The following BUD23 variants were observed in gnomAD, a reference collection of about 807,000 sequenced individuals.
BUD23 encodes 18S rRNA (guanine-N(7))-methyltransferase.
A neutral mutation model predicts 47.0 loss-of-function variants in BUD23; 34 were observed. The observed-to-expected ratio is 0.72, with a 90% CI of 0.55 to 0.96. The LOEUF (loss-of-function observed/expected upper bound fraction) is 0.96, where lower values mean the gene tolerates loss of function less well. Ranked by LOEUF, BUD23 falls within the 40% of genes least tolerant of loss-of-function variation. BUD23 has a pLI of 0.00. For missense variants in BUD23, 343 were observed against 361.2 expected (o/e 0.95, Z 0.41); for synonymous variants, 124 against 132.0 (o/e 0.94, Z 0.41).
In BUD23 at chr7:73,683,759, T is replaced by C. The variant is rs1554612163; in HGVS notation, c.49-8T>C. 1.9e-6 allele frequency: 3 copies of C among 1,614,064 alleles called. No individual in the cohort carries two copies. The East Asian group carries it at 6.7e-5, about 36-fold the overall frequency. On this transcript the variant is annotated splice_region_variant and splice_polypyrimidine_tract_variant and intron_variant, in intron 1 of 11. Coordinates refer to ENST00000265758, the MANE Select transcript of BUD23 (RefSeq NM_017528.5). ...ATTCCTCTACATGCCATTTTCTCTT[T>C]TTCGCAGTTTTATGACGAGACAGAA...
At position 73,697,630 on chromosome 7, in the gene BUD23, G is replaced by A. The variant is rs148142986; in HGVS notation, c.727G>A (p.Gly243Arg). The A allele has an allele frequency of 1.9e-5, 30 of 1,613,592 alleles. No individual in the cohort carries two copies. The highest frequency in any genetic ancestry group is 2.5e-5 in the Non-Finnish European group (29 of 1,179,962). Residue 243 changes from glycine to arginine, a missense_variant, in exon 11 of 12, where the codon GGA becomes AGA. Gly to Arg is a moderately radical substitution (Grantham distance 125). Coordinates refer to ENST00000265758, the MANE Select transcript of BUD23 (RefSeq NM_017528.5). ...ERFPLRMSRR[G>R]MVRKSRAWVL... is the part of the protein sequence containing the mutation. ...GTTCCCATTAAGGATGTCGAGGCGG[G>A]GAATGGTGAGGAAGAGTCGGGCATG...
rs782264637 is a variant in BUD23, at chr7:73,697,675, C to T, written c.772C>T (p.Arg258Trp). 12 of 1,613,398 alleles carry T rather than the reference C, an allele frequency of 7.4e-6. No individual in the cohort carries two copies. The East Asian group carries it at 8.9e-5, about 12-fold the overall frequency. Residue 258 changes from arginine to tryptophan, a missense_variant, in exon 11 of 12, where the codon CGG (arginine) becomes TGG (tryptophan). Arg to Trp is a moderately radical substitution (Grantham distance 101). Coordinates refer to ENST00000265758, the MANE Select transcript of BUD23 (RefSeq NM_017528.5). ...SRAWVLEKKE[R>W]HRRQGREVRP... ...GGCATGGGTGCTGGAGAAGAAGGAGCGGCACAGGCGCCAGGGCAGGTGAGT... is the reference window on the plus strand; with the variant it reads ...GGCATGGGTGCTGGAGAAGAAGGAGTGGCACAGGCGCCAGGGCAGGTGAGT...
At position 73,690,964 on chromosome 7, in the gene BUD23, C is replaced by T. The variant is rs782536072; in HGVS notation, c.411C>T (p.Asn137=). The stretch of plus-strand genomic sequence containing the variant: ...GTAATGCTAACAAGAAGTCTGAAAA[C>T]CCTGCCAAGCGCCTGTACTGCTTTT... ...WLCNANKKSE[N]PAKRLYCFFA... Residue 137 remains asparagine, a synonymous_variant, in exon 6 of 12, where the codon AAC becomes AAT. Coordinates refer to ENST00000265758, the MANE Select transcript of BUD23 (RefSeq NM_017528.5). 15 of 1,614,184 alleles carry T rather than the reference C, an allele frequency of 9.3e-6. No homozygotes were observed. The highest frequency in any genetic ancestry group is 1.6e-4 in the Middle Eastern group (1 of 6,062).
chr7:73,690,733 A>G (rs1798158709), intron 5 of BUD23, among the ~76,000 whole-genome samples, 183 bp from the exon 6 acceptor site: 1 of 152,128 alleles, frequency 6.6e-6, no homozygotes, highest in Non-Finnish European at 1.5e-5. Context: ...GGCCTCAGAA[A>G]GTGCTGGGAT....
At chr7:73,688,937 T>C (rs782251832) in intron 5 of BUD23, among the ~76,000 whole-genome samples, 9 of 152,134 alleles carry the variant, frequency 5.9e-5, no homozygotes, top group Non-Finnish European at 8.8e-5. Context: ...TTTTTGGTAA[T>C]GGTCAGATGA....
rs782542202 is a variant in BUD23 at position 73,697,898 on chromosome 7, G to C, written c.*12G>C. On this transcript the variant is annotated 3_prime_UTR_variant, in exon 12 of 12. Coordinates refer to ENST00000265758, the MANE Select transcript of BUD23 (RefSeq NM_017528.5). ...AGCCCCGCTTCTAAGTCACCACGCG[G>C]TTCTGGAAAGGCACTTGCCTCTGCA... is the stretch of plus-strand genomic sequence containing the variant. The C allele has an allele frequency of 6.2e-7, 1 of 1,610,740 alleles. No individual in the cohort carries two copies. Among genetic ancestry groups the C allele is most frequent in the Non-Finnish European group, 8.5e-7 (1 of 1,179,180 alleles).
chr7:73,683,905 C>A, intron 2 of BUD23, 101 bp downstream of exon 2: 1 of 1,607,308 alleles, frequency 6.2e-7, no homozygotes, highest in Non-Finnish European at 8.5e-7. Flanking sequence ...TTTGGGGGTG[C>A]GGGAAGGGAA....
At chr7:73,686,219 G>A (rs1343101364) in intron 2 of BUD23, among the ~76,000 whole-genome samples, 10 of 152,204 alleles carry the variant, frequency 6.6e-5, no homozygotes. Flanking sequence ...TGCTGCTGTA[G>A]GTTTTTGTGC....
chr7:73,693,725 G>A lies in BUD23; in HGVS notation c.642+56G>A, dbSNP rs1426895221. Reference sequence around the variant, plus strand: ...GTGTCTTTTGACTTCCAGGCAGTGGGGCTCAGCCTGCAGAGCCTGCTGGGA... The same window carrying A: ...GTGTCTTTTGACTTCCAGGCAGTGGAGCTCAGCCTGCAGAGCCTGCTGGGA... On this transcript the variant is annotated intron_variant, in intron 9 of 11. Coordinates refer to ENST00000265758, the MANE Select transcript of BUD23 (RefSeq NM_017528.5). 4 of 1,604,454 alleles carry A rather than the reference G, an allele frequency of 2.5e-6. No individual in the cohort carries two copies. In the African/African-American group the frequency reaches 5.4e-5, roughly 21 times the overall value.
intron 2 of BUD23, chr7:73,684,078 A>T: frequency 1.7e-6 from 2 of 1,188,998 alleles, no homozygotes; most frequent in South Asian, 3.3e-5. Flanking sequence ...ATGTGGTAAA[A>T]GAGGCGCTGG....
At chr7:73,687,435 C>A (rs1048039039) in intron 5 of BUD23, among the ~76,000 whole-genome samples, 11 of 152,178 alleles carry the variant, frequency 7.2e-5, no homozygotes, top group African/African-American at 2.7e-4. Flanking sequence ...CGCCACCACA[C>A]CCAACTAATT....
intron 5 of BUD23, 77 bp from the exon 6 acceptor site, chr7:73,690,839 T>G: frequency 8.8e-7 from 1 of 1,139,348 alleles, no homozygotes; most frequent in Non-Finnish European, 1.3e-6. Flanking sequence ...CCAGGACGGA[T>G]GATGTCAAGA....
intron 5 of BUD23, among the ~76,000 whole-genome samples, chr7:73,689,859 A>G (rs1028715970): frequency 6.6e-6 from 1 of 152,228 alleles, no homozygotes; most frequent in South Asian, 2.1e-4. Flanking sequence ...AGGTGGAAGC[A>G]TTTGAGCTGG....
intron 10 of BUD23, chr7:73,695,262 C>CT (rs11439709): frequency 0.26 from 38,090 of 144,914 alleles, 5,856 homozygotes; most frequent in South Asian, 0.35. Flanking sequence ...ATCCTCCATT[C>CT]TTTTTTTTTT....
intron 6 of BUD23, 105 bp downstream of exon 6, chr7:73,691,117 T>TC: frequency 1.0e-6 from 1 of 970,892 alleles, no homozygotes; most frequent in Non-Finnish European, 1.6e-6. Context: ...AAGCTACTCA[T>TC]ATGGGACCGC....
chr7:73,689,347 C>G (rs1241063349), intron 5 of BUD23, among the ~76,000 whole-genome samples: 1 of 151,888 alleles, frequency 6.6e-6, no homozygotes, highest in Non-Finnish European at 1.5e-5. Flanking sequence ...GCACCCGGCC[C>G]AGACTTTTTT....
intron 4 of BUD23, 29 bp from the exon 5 acceptor site, chr7:73,686,969 CT>C: frequency 6.2e-7 from 1 of 1,614,126 alleles, no homozygotes; most frequent in Non-Finnish European, 8.5e-7. Context: ...AGGTATTTCT[CT>C]TTCTCTGACT....
chr7:73,696,247 T>G (rs1406706333), intron 10 of BUD23: 2 of 152,250 alleles, frequency 1.3e-5, no homozygotes, highest in African/African-American at 2.4e-5. Context: ...CTTGGGTCTT[T>G]GCTCATTTCC....
chr7:73,693,167 A>G, intron 7 of BUD23, 162 bp from the exon 8 acceptor site: 2 of 664,374 alleles, frequency 3.0e-6, no homozygotes, highest in South Asian at 1.8e-5. Context: ...GGGCCATGCC[A>G]GATTCTAGCC....
Sources: allele counts gnomAD v4.1 joint callset (sites outside exome capture counted in the v4.1 genomes callset), GRCh38; gene constraint gnomAD v4.1.1; transcripts MANE v1.5; gene names NCBI Gene and HGNC (gene_info 2026-07-23, HGNC 2026-07-21).